The following ZBTB24 variants were observed in gnomAD, a reference collection of about 807,000 sequenced individuals.
ZBTB24 encodes the protein zinc finger and BTB domain-containing protein 24.
Under a neutral mutation model 53.8 loss-of-function variants are expected in ZBTB24, and 32 were observed. The ratio of observed to expected loss-of-function variants is 0.60; its 90% confidence interval spans 0.45 to 0.80. The LOEUF is 0.80. ZBTB24 is among the 30% of genes least tolerant of loss of function. The pLI is 0.00. For synonymous variants in ZBTB24, 297 were observed against 306.7 expected, an observed-to-expected ratio of 0.97 and a Z score of 0.33; for missense variants, 722 against 837.1, an observed-to-expected ratio of 0.86 and a Z score of 1.70.
chr6:109,471,508 G>T (rs1248970616), intron 5 of ZBTB24, among the ~76,000 whole-genome samples: 1 of 152,202 alleles, frequency 6.6e-6, no homozygotes, highest in Non-Finnish European at 1.5e-5. Context: ...TTTATCATTT[G>T]TTCCCTGACA....
At chr6:109,474,704 A>AGC (rs1197955808) in intron 5 of ZBTB24, among the ~76,000 whole-genome samples, 1 of 151,378 alleles carries the variant, frequency 6.6e-6, no homozygotes, top group African/African-American at 2.4e-5. Flanking sequence ...ACTGCACTGC[A>AGC]GCCTGGCAAC....
chr6:109,466,022 G>A lies in ZBTB24; in HGVS notation c.1923C>T (p.Ser641=), dbSNP rs767515335. 5.6e-6 allele frequency: 9 copies of A among 1,614,216 alleles called. No homozygotes were observed. The South Asian group carries it at 9.9e-5, about 18-fold the overall frequency. The change falls in exon 7 of 7, where the codon TCC becomes TCT. Residue 641 remains serine, a synonymous_variant. Coordinates refer to ENST00000230122, the MANE Select transcript of ZBTB24 (RefSeq NM_014797.3). ...QTEPVHVITL[S]KETLEHLHAH... ...CATGAAGATGTTCCAGTGTTTCCTT[G>A]GACAGAGTGATCACGTGCACTGGCT...
In ZBTB24 at chr6:109,464,973, T is replaced by C. The variant is rs1775998482; in HGVS notation, c.*878A>G. 1 of 152,238 alleles carries C rather than the reference T, an allele frequency of 6.6e-6. No individual in the cohort carries two copies. Among genetic ancestry groups the C allele is most frequent in the South Asian group, 2.1e-4 (1 of 4,836 alleles). 9.4% of individuals were successfully genotyped at this position (152,238 alleles called of 1,614,324 possible). A position where few individuals can be genotyped will look rare whatever the true frequency, so the allele number is the denominator to read the frequency against. On this transcript the variant is annotated 3_prime_UTR_variant, in exon 7 of 7. Transcript: ENST00000230122. Reference sequence around the variant, plus strand: ...AGTAGAGTATATATAAGACTTAAATTACACTGAATAAAGTTTTATGTTCCA... The same window carrying C: ...AGTAGAGTATATATAAGACTTAAATCACACTGAATAAAGTTTTATGTTCCA...
Position 109,481,912 on chromosome 6 carries a change from T to A in ZBTB24, c.115A>T (p.Ile39Phe). The part of the protein sequence containing the change: ...DQRKKGFLCD[I>F]TLIVENVHFR... ...TGTACATTCTCCACGATTAAAGTAA[T>A]GTCACAGAGGAAGCCTTTCTTCCTC... is the stretch of plus-strand genomic sequence containing the variant. The change falls in exon 2 of 7, where the codon ATT becomes TTT. Residue 39 changes from isoleucine (I) to phenylalanine (F), a missense_variant. Physicochemically the swap from Ile to Phe is conservative, Grantham distance 21. Transcript: ENST00000230122. 1 of 1,614,180 alleles carries A rather than the reference T, an allele frequency of 6.2e-7. No individual in the cohort carries two copies.
rs777180797 is a variant in ZBTB24, at chr6:109,466,214, A to C, written c.1731T>G (p.Thr577=). ...CAGTCATGTTTTGGGAACTCTCTGC[A>C]GTCACAATGCTGATTCCCTGGCTAG... The part of the protein sequence containing the change: ...PGPSQGISIV[T]AESSQNMTAD... The change falls in exon 7 of 7, where the codon ACT becomes ACG. Residue 577 remains threonine (T), a synonymous_variant. Transcript: ENST00000230122. The C allele has an allele frequency of 6.2e-7, 1 of 1,614,260 alleles. No individual in the cohort carries two copies. Among genetic ancestry groups the C allele is most frequent in the Admixed American group, 1.7e-5 (1 of 60,036 alleles).
Position 109,463,742 on chromosome 6 carries a change from G to C in ZBTB24, c.*2109C>G, listed in dbSNP as rs1289028081. 2.0e-5 allele frequency: 3 copies of C among 152,280 alleles called. No homozygotes were observed. Among genetic ancestry groups the C allele is most frequent in the Non-Finnish European group, 4.4e-5 (3 of 68,012 alleles). The allele number at this position is 152,280 out of a possible 1,614,324, so 9.4% of individuals were successfully genotyped here. On this transcript the variant is annotated 3_prime_UTR_variant, in exon 7 of 7. Transcript: ENST00000230122. ...GATTTCGAAAGCTTAGTATGAAAAA[G>C]AGAATGTAAAATGTCTCACTAATAT... is the stretch of plus-strand genomic sequence containing the variant.
intron 2 of ZBTB24, among the ~76,000 whole-genome samples, chr6:109,478,133 T>C (rs566977776): frequency 6.6e-6 from 1 of 152,294 alleles, no homozygotes; most frequent in South Asian, 2.1e-4. Flanking sequence ...CAAGTTTTAC[T>C]GGGGATCTGA....
At chr6:109,472,384 C>CA (rs1309364247) in intron 5 of ZBTB24, among the ~76,000 whole-genome samples, 1 of 152,188 alleles carries the variant, frequency 6.6e-6, no homozygotes, top group East Asian at 1.9e-4. Context: ...TTCTGCTTCT[C>CA]AAAGTTGACA....
chr6:109,480,081 C>G (rs1245366972), intron 2 of ZBTB24, among the ~76,000 whole-genome samples: 1 of 152,188 alleles, frequency 6.6e-6, no homozygotes, highest in Non-Finnish European at 1.5e-5. Context: ...CTCCAGACAA[C>G]TAAATCAGAA....
Position 109,463,245 on chromosome 6 carries a change from AAAG to A in ZBTB24, c.*2603_*2605del, listed in dbSNP as rs1171283043. On this transcript the variant is annotated 3_prime_UTR_variant, in exon 7 of 7. Transcript: ENST00000230122. ...CGTGATCCGCCCACCTTGGCCTCCC[AAAG>A]TGCTGGGATTACAGGCATGAGCCTC... The A allele has an allele frequency of 6.6e-6, 1 of 152,260 alleles. No individual in the cohort carries two copies. The highest frequency in any genetic ancestry group is 1.5e-5 in the Non-Finnish European group (1 of 68,080). The allele number at this position is 152,260 out of a possible 1,614,324, so 9.4% of individuals were successfully genotyped here.
intron 3 of ZBTB24, 150 bp from the exon 4 acceptor site, chr6:109,476,408 A>G: frequency 1.3e-6 from 1 of 798,696 alleles, no homozygotes; most frequent in Non-Finnish European, 2.0e-6. Flanking sequence ...CCTTCAATCT[A>G]CCACAGAAAC....
In ZBTB24 at chr6:109,464,279, G is replaced by A. The variant is rs185617162; in HGVS notation, c.*1572C>T. 72 of 152,194 alleles carry A rather than the reference G, an allele frequency of 4.7e-4. No individual in the cohort carries two copies. The highest frequency in any genetic ancestry group is 2.0e-3 in the Admixed American group (30 of 15,302). The allele number at this position is 152,194 out of a possible 1,614,324, so 9.4% of individuals were successfully genotyped here. A position where few individuals can be genotyped will look rare whatever the true frequency, so the allele number is the denominator to read the frequency against. The stretch of plus-strand genomic sequence containing the variant: ...TAATAAAATATAGCTTAGCAAATAT[G>A]CAACCAAAATGTTTTTATCTTCTCT... On this transcript the variant is annotated 3_prime_UTR_variant, in exon 7 of 7. Transcript: ENST00000230122.
In ZBTB24 at chr6:109,466,139, C is replaced by T; in HGVS notation, c.1806G>A (p.Leu602=). Reference sequence around the variant, plus strand: ...GTTGAGCTGAAAGAATTAAATTCTGCAGTTGCTCTGGCTGCTGCGTGAGCA... The same window carrying T: ...GTTGAGCTGAAAGAATTAAATTCTGTAGTTGCTCTGGCTGCTGCGTGAGCA... ...LTLLTQQPEQ[L]QNLILSAQQE... is the part of the protein sequence containing the mutation. The change falls in exon 7 of 7, where the codon CTG becomes CTA. Residue 602 remains leucine, a synonymous_variant. Transcript: ENST00000230122. 6.2e-7 allele frequency: 1 copy of T among 1,614,212 alleles called. No homozygotes were observed. Among genetic ancestry groups the T allele is most frequent in the Non-Finnish European group, 8.5e-7 (1 of 1,180,036 alleles).
chr6:109,479,884 C>T (rs982433064), intron 2 of ZBTB24, among the ~76,000 whole-genome samples: 7 of 120,886 alleles, frequency 5.8e-5, no homozygotes, highest in African/African-American at 1.9e-4. Flanking sequence ...CCACTGCACT[C>T]TAGCCTGGGT....
Position 109,465,906 on chromosome 6 carries a change from G to A in ZBTB24, c.2039C>T (p.Pro680Leu). The change falls in exon 7 of 7, where the codon CCA becomes CTA. Residue 680 changes from proline (P) to leucine (L), a missense_variant. Pro to Leu is a moderately conservative substitution (Grantham distance 98, BLOSUM62 -3). Transcript: ENST00000230122. ...CTGGGGCACGTGGTGAGTGGGTGGT[G>A]GCGGACCAGGCTCCTGTGTCAGCTG... is the stretch of plus-strand genomic sequence containing the variant. ...HLQLTQEPGP[P>L]PPTHHVPQPT... The A allele has an allele frequency of 1.2e-6, 2 of 1,614,166 alleles. No individual in the cohort carries two copies. Among genetic ancestry groups the A allele is most frequent in the Non-Finnish European group, 8.5e-7 (1 of 1,180,038 alleles).
At position 109,476,234 on chromosome 6, in the gene ZBTB24, T is replaced by C. The variant is rs1232884369; in HGVS notation, c.1145A>G (p.Gln382Arg). ...GTTCTGGCTGAAATATTTTCCGCAT[T>C]GATCACAGGTAAAAGACTTCTGTCC... ...HSGQKSFTCD[Q>R]CGKYFSQNRQ... The change falls in exon 4 of 7, where the codon CAA becomes CGA. Residue 382 changes from glutamine to arginine, a missense_variant. Physicochemically the swap from Gln to Arg is conservative, Grantham distance 43. Transcript: ENST00000230122. The C allele has an allele frequency of 1.2e-6, 2 of 1,614,040 alleles. No homozygotes were observed. The highest frequency in any genetic ancestry group is 1.6e-4 in the Middle Eastern group (1 of 6,084).
In ZBTB24 at chr6:109,476,754, C is replaced by A. The variant is rs757683621; in HGVS notation, c.1120+9G>T. The stretch of plus-strand genomic sequence containing the variant: ...TGGTGAAGCTGGCCCTCTGGGCAAG[C>A]CCCACTACCTGAGTGCAGGCTCATG... On this transcript the variant is annotated intron_variant, in intron 3 of 6. Transcript: ENST00000230122. 21 of 1,611,814 alleles carry A rather than the reference C, an allele frequency of 1.3e-5. No homozygotes were observed. Among genetic ancestry groups the A allele is most frequent in the Non-Finnish European group, 1.7e-6 (2 of 1,179,708 alleles).
intron 5 of ZBTB24, among the ~76,000 whole-genome samples, chr6:109,470,821 A>C (rs1283933907): frequency 6.6e-6 from 1 of 152,284 alleles, no homozygotes. Context: ...ATATCTTTAC[A>C]GACAAATCTG....
At chr6:109,478,826 G>A (rs1463912726) in intron 2 of ZBTB24, among the ~76,000 whole-genome samples, 1 of 150,948 alleles carries the variant, frequency 6.6e-6, no homozygotes, top group Non-Finnish European at 1.5e-5. Context: ...AGACAAACAA[G>A]CAAGAAGAAA....
Sources: gnomAD v4.1 joint callset for allele counts (sites outside exome capture counted in the v4.1 genomes callset) on GRCh38, gnomAD v4.1.1 for gene constraint, MANE v1.5 for transcripts, NCBI Gene and HGNC (gene_info 2026-07-23, HGNC 2026-07-21) for gene names.